Variants in AFF3 observed in about 807,000 individuals in gnomAD.
AFF3 encodes the protein ALF transcription elongation factor 3, also known as AF4/FMR2 family member 3.
Under a neutral mutation model 129.7 loss-of-function variants are expected in AFF3, and 32 were observed. That is an observed-to-expected ratio of 0.25 (90% CI 0.19 to 0.33). The LOEUF is 0.33. AFF3 is among the 10% of genes least tolerant of loss of function. The pLI is 1.00. For missense variants in AFF3, 1,373 were observed against 1,592.0 expected, an observed-to-expected ratio of 0.86 and a Z score of 2.34; for synonymous variants, 644 against 635.4, an observed-to-expected ratio of 1.01 and a Z score of -0.20.
At chr2:100,020,372 G>A (rs1176709225) in intron 4 of AFF3, among the ~76,000 whole-genome samples, 1 of 151,980 alleles carries the variant, frequency 6.6e-6, no homozygotes, top group Non-Finnish European at 1.5e-5. Context: ...CAGTCTTTAT[G>A]GGAGATGTCA....
intron 7 of AFF3, among the ~76,000 whole-genome samples, chr2:99,909,809 T>C (rs1033882511): frequency 1.3e-5 from 2 of 152,136 alleles, no homozygotes; most frequent in Admixed American, 6.5e-5. Flanking sequence ...ATTGACAATA[T>C]GATCAGCTTT....
intron 11 of AFF3, among the ~76,000 whole-genome samples, chr2:99,703,608 C>T (rs945548552): frequency 1.7e-4 from 25 of 151,236 alleles, no homozygotes; most frequent in Non-Finnish European, 2.9e-4. Flanking sequence ...CCATTTTCTT[C>T]GTTTACTGTT....
chr2:100,033,622 TA>T (rs2104979339), intron 4 of AFF3, among the ~76,000 whole-genome samples: 1 of 152,328 alleles, frequency 6.6e-6, no homozygotes. Context: ...ATAGAATTTT[TA>T]TTTCTAATAT....
At chr2:99,846,357 T>G (rs1689723486) in intron 7 of AFF3, among the ~76,000 whole-genome samples, 2 of 152,154 alleles carry the variant, frequency 1.3e-5, no homozygotes, top group South Asian at 4.1e-4. Context: ...CTCGAACTCC[T>G]GACCTCAGGT....
At chr2:99,940,605 A>G (rs1002753404) in intron 7 of AFF3, among the ~76,000 whole-genome samples, 2 of 152,196 alleles carry the variant, frequency 1.3e-5, no homozygotes, top group African/African-American at 4.8e-5. Context: ...AAGTTACCCT[A>G]TATGGTCTAA....
intron 10 of AFF3, among the ~76,000 whole-genome samples, chr2:99,738,291 CTTTCATA>C (rs1680424844): frequency 6.6e-6 from 1 of 151,890 alleles, no homozygotes; most frequent in South Asian, 2.1e-4. Context: ...TCTTCAATCC[CTTTCATA>C]TTTTCCATCT....
intron 7 of AFF3, among the ~76,000 whole-genome samples, chr2:99,913,136 G>A (rs1695220091): frequency 6.6e-6 from 1 of 152,158 alleles, no homozygotes; most frequent in African/African-American, 2.4e-5. Context: ...TAATGACAAA[G>A]ACAGTGTCTT....
At chr2:99,898,256 C>A (rs1694110639) in intron 7 of AFF3, among the ~76,000 whole-genome samples, 1 of 152,242 alleles carries the variant, frequency 6.6e-6, no homozygotes, top group Non-Finnish European at 1.5e-5. Context: ...AATAACCACT[C>A]CCATTTACTG....
chr2:99,832,485 C>A (rs1688577430), intron 8 of AFF3, among the ~76,000 whole-genome samples: 1 of 152,192 alleles, frequency 6.6e-6, no homozygotes. Flanking sequence ...GGCCCTGCAA[C>A]ATAGTGGCAA....
chr2:99,896,590 C>A (rs1558955531), intron 7 of AFF3, among the ~76,000 whole-genome samples: 1 of 92,490 alleles, frequency 1.1e-5, no homozygotes, highest in Non-Finnish European at 2.2e-5. Context: ...CAAGATGTTT[C>A]ATTTGATCAT....
rs568377875 is a variant in AFF3, at chr2:99,550,807, T to A, written c.*667A>T. The A allele has an allele frequency of 2.1e-5, 5 of 234,506 alleles. No individual in the cohort carries two copies. The highest frequency in any genetic ancestry group is 1.1e-4 in the African/African-American group (5 of 45,368). 14.5% of individuals were successfully genotyped at this position (234,506 alleles called of 1,614,324 possible). A position where few individuals can be genotyped will look rare whatever the true frequency, so the allele number is the denominator to read the frequency against. On this transcript the variant is annotated 3_prime_UTR_variant, in exon 25 of 25. Coordinates refer to ENST00000672756, the MANE Select transcript of AFF3 (RefSeq NM_001386135.1). ...TCCATCTGTTTGCCTGGAATGCATT[T>A]AGTTGATAATAGAGTCAGATGGGGG... is the stretch of plus-strand genomic sequence containing the variant.
At chr2:99,589,562 C>G (rs765794965) in intron 15 of AFF3, among the ~76,000 whole-genome samples, 1 of 151,990 alleles carries the variant, frequency 6.6e-6, no homozygotes, top group Non-Finnish European at 1.5e-5. Context: ...CCACCACGCC[C>G]AGCTATTTTT....
chr2:99,622,610 C>T (rs200395929), intron 13 of AFF3, among the ~76,000 whole-genome samples: 6 of 152,250 alleles, frequency 3.9e-5, no homozygotes, highest in Non-Finnish European at 4.4e-5. Flanking sequence ...TGAGCAATCT[C>T]GCTTCCAGAA....
intron 8 of AFF3, among the ~76,000 whole-genome samples, chr2:99,756,669 C>G (rs1036577455): frequency 2.0e-5 from 3 of 152,220 alleles, no homozygotes; most frequent in African/African-American, 4.8e-5. Context: ...GGCCTCAGCC[C>G]TTCCTGACAC....
At chr2:99,897,606 T>G (rs917882183) in intron 7 of AFF3, among the ~76,000 whole-genome samples, 3 of 152,172 alleles carry the variant, frequency 2.0e-5, no homozygotes, top group Non-Finnish European at 4.4e-5. Flanking sequence ...TATCTCACCT[T>G]GCAAGGCCTC....
Position 99,551,315 on chromosome 2 carries a change from A to G in AFF3, c.*159T>C. ...GGCGGCTTCTTATATACCCACACAT[A>G]CAAACACACATGCCCTGCAAAAGAT... On this transcript the variant is annotated 3_prime_UTR_variant, in exon 25 of 25. Transcript: ENST00000672756. The G allele has an allele frequency of 9.4e-7, 1 of 1,062,674 alleles. No individual in the cohort carries two copies. Among genetic ancestry groups the G allele is most frequent in the Non-Finnish European group, 1.3e-6 (1 of 752,284 alleles). 65.8% of individuals were successfully genotyped at this position (1,062,674 alleles called of 1,614,324 possible). A position where few individuals can be genotyped will look rare whatever the true frequency, so the allele number is the denominator to read the frequency against.
intron 7 of AFF3, among the ~76,000 whole-genome samples, chr2:99,991,763 C>T (rs1680360734): frequency 6.6e-6 from 1 of 151,932 alleles, no homozygotes; most frequent in African/African-American, 2.4e-5. Flanking sequence ...ATTAGCCAGG[C>T]GTGGTGGCGC....
chr2:99,755,451 G>A (rs1682017130), intron 8 of AFF3, among the ~76,000 whole-genome samples: 1 of 152,066 alleles, frequency 6.6e-6, no homozygotes, highest in Non-Finnish European at 1.5e-5. Flanking sequence ...ATTTTTAGTA[G>A]AGATGGGGTT....
Position 99,548,958 on chromosome 2 carries a change from A to T in AFF3, c.*2516T>A, listed in dbSNP as rs1176727531. The T allele has an allele frequency of 1.7e-5, 4 of 231,566 alleles. No homozygotes were observed. Among genetic ancestry groups the T allele is most frequent in the Non-Finnish European group, 2.6e-5 (3 of 117,066 alleles). The allele number at this position is 231,566 out of a possible 1,614,324, so 14.3% of individuals were successfully genotyped here. On this transcript the variant is annotated 3_prime_UTR_variant, in exon 25 of 25. Transcript: ENST00000672756. ...ACTACACGCTCTGACCACTGCCCACAACGGTAAGTTTCAAGAAGTTTTCCT... is the reference window on the plus strand; with the variant it reads ...ACTACACGCTCTGACCACTGCCCACTACGGTAAGTTTCAAGAAGTTTTCCT...
Sources: gnomAD v4.1 joint callset for allele counts (sites outside exome capture counted in the v4.1 genomes callset) on GRCh38, gnomAD v4.1.1 for gene constraint, MANE v1.5 for transcripts, NCBI Gene and HGNC (gene_info 2026-07-23, HGNC 2026-07-21) for gene names.